CECR2: variants seen among roughly 807,000 people sequenced by gnomAD.
CECR2 encodes chromatin remodeling regulator CECR2.
In CECR2, 30 loss-of-function variants were observed where a neutral mutation model predicts 154.5. The ratio of observed to expected loss-of-function variants is 0.19; its 90% CI spans 0.15 to 0.26. CECR2 has a LOEUF of 0.26. CECR2 is among the 10% of genes least tolerant of loss of function. The pLI, the probability that CECR2 is intolerant of heterozygous loss-of-function variation, is 1.00. For missense variants in CECR2, 1,743 were observed against 1,829.3 expected, an observed-to-expected ratio of 0.95 and a Z score of 0.86; for synonymous variants, 725 against 683.7, an observed-to-expected ratio of 1.06 and a Z score of -0.94.
intron 1 of CECR2, among the ~76,000 whole-genome samples, chr22:17,452,205 T>C (rs2054782129): frequency 6.6e-6 from 1 of 152,202 alleles, no homozygotes; most frequent in East Asian, 1.9e-4. Context: ...CTGGAATAGC[T>C]GGGATTACAC....
At chr22:17,412,518 T>C (rs1263432373) in intron 1 of CECR2, among the ~76,000 whole-genome samples, 1 of 152,172 alleles carries the variant, frequency 6.6e-6, no homozygotes, top group Non-Finnish European at 1.5e-5. Context: ...TAGCATTTGC[T>C]GATTTTCACA....
At chr22:17,529,474 G>A (rs937918494) in intron 9 of CECR2, among the ~76,000 whole-genome samples, 3 of 152,208 alleles carry the variant, frequency 2.0e-5, no homozygotes, top group African/African-American at 7.2e-5. Context: ...GCCGAAGTGG[G>A]CGAATCACGA....
chr22:17,404,541 T>G lies in CECR2; in HGVS notation c.126+34632T>G, dbSNP rs967981204. ...GGCGCCCGCCACTACGCCCGGCTAA[T>G]TTTTTGTATTTTTAGTAGAGACGGG... On this transcript the variant is annotated intron_variant, in intron 1 of 18. Coordinates refer to ENST00000262608, the MANE Select transcript of CECR2 (RefSeq NM_001290047.2). Among the ~76,000 whole-genome samples, 19 of 139,888 alleles carry G rather than the reference T, an allele frequency of 1.4e-4. 2 individuals carry two copies. The highest frequency in any genetic ancestry group is 5.6e-4 in the Admixed American group (8 of 14,250). The allele number at this position is 139,888 out of a possible 152,430, so 91.8% of individuals were successfully genotyped here.
intron 2 of CECR2, among the ~76,000 whole-genome samples, chr22:17,491,616 C>A (rs997428328): frequency 6.9e-6 from 1 of 145,874 alleles, no homozygotes; most frequent in East Asian, 2.0e-4. Flanking sequence ...GTAGGGCAAA[C>A]AATATATATC....
At chr22:17,406,713 C>G (rs1206193757) in intron 1 of CECR2, among the ~76,000 whole-genome samples, 1 of 152,170 alleles carries the variant, frequency 6.6e-6, no homozygotes, top group Non-Finnish European at 1.5e-5. Flanking sequence ...GCTCTTTCTT[C>G]TAGCTGAAGA....
At chr22:17,450,110 T>C (rs1601379682) in intron 1 of CECR2, among the ~76,000 whole-genome samples, 1 of 152,222 alleles carries the variant, frequency 6.6e-6, no homozygotes, top group Non-Finnish European at 1.5e-5. Context: ...GTGGGAGTAG[T>C]TGAACTTGCC....
chr22:17,447,239 G>T (rs959167274), intron 1 of CECR2, among the ~76,000 whole-genome samples: 50 of 151,632 alleles, frequency 3.3e-4, no homozygotes, highest in Non-Finnish European at 5.9e-4. Context: ...TGCAAGCTCC[G>T]CCTCCTGGGT....
intron 9 of CECR2, among the ~76,000 whole-genome samples, chr22:17,534,454 A>T (rs1476289460): frequency 6.6e-6 from 1 of 152,142 alleles, no homozygotes; most frequent in Non-Finnish European, 1.5e-5. Context: ...TAAGTACAAA[A>T]AGCAAAAACC....
rs1442303071 is a variant in CECR2, at chr22:17,556,652, G to A, written c.*3812G>A. On this transcript the variant is annotated 3_prime_UTR_variant, in exon 19 of 19. Transcript: ENST00000262608. ...TTTCACAGGAAGGCCTAATCCTATAGTCACAAGGTAAGGACAGTTGAGTAG... is the reference window on the plus strand; with the variant it reads ...TTTCACAGGAAGGCCTAATCCTATAATCACAAGGTAAGGACAGTTGAGTAG... The A allele has an allele frequency of 6.6e-6, 1 of 152,114 alleles. No homozygotes were observed. Among genetic ancestry groups the A allele is most frequent in the African/African-American group, 2.4e-5 (1 of 41,420 alleles). 9.4% of individuals were successfully genotyped at this position (152,114 alleles called of 1,614,324 possible).
intron 8 of CECR2, among the ~76,000 whole-genome samples, chr22:17,515,328 C>T (rs978909098): frequency 6.6e-6 from 1 of 152,162 alleles, no homozygotes; most frequent in Non-Finnish European, 1.5e-5. Flanking sequence ...AGATGGCATC[C>T]GCAAGGGCAG....
chr22:17,433,175 G>A (rs5992703), intron 1 of CECR2, among the ~76,000 whole-genome samples: 12,151 of 152,194 alleles, frequency 0.08, 1,039 homozygotes, highest in African/African-American at 0.22. Context: ...GTTAAAGTCA[G>A]TATGTGTGTG....
intron 2 of CECR2, among the ~76,000 whole-genome samples, chr22:17,493,462 T>C (rs2146855014): frequency 6.6e-6 from 1 of 152,282 alleles, no homozygotes; most frequent in East Asian, 1.9e-4. Flanking sequence ...AAATCACCCT[T>C]AGCCAGTGCC....
intron 1 of CECR2, among the ~76,000 whole-genome samples, chr22:17,473,006 C>T (rs1474180299): frequency 6.6e-6 from 1 of 152,136 alleles, no homozygotes; most frequent in African/African-American, 2.4e-5. Context: ...TCCCCTTGCT[C>T]ACTTCTGAGT....
chr22:17,526,808 CA>C (rs34800488), intron 9 of CECR2, among the ~76,000 whole-genome samples: 1,007 of 71,640 alleles, frequency 0.014, 7 homozygotes, highest in African/African-American at 0.043. Context: ...GACTCCATCT[CA>C]AAAAAAAAAA....
chr22:17,525,461 C>T (rs1428138348), intron 9 of CECR2, among the ~76,000 whole-genome samples: 2 of 151,716 alleles, frequency 1.3e-5, no homozygotes, highest in Admixed American at 6.6e-5. Flanking sequence ...GCCAACATGG[C>T]CAAACGTGGT....
At chr22:17,410,234 C>G (rs965388597) in intron 1 of CECR2, among the ~76,000 whole-genome samples, 23 of 152,020 alleles carry the variant, frequency 1.5e-4, no homozygotes, top group Non-Finnish European at 2.9e-4. Flanking sequence ...CCACCTCGGC[C>G]TCCCAGAGTG....
intron 17 of CECR2, among the ~76,000 whole-genome samples, chr22:17,551,420 T>C (rs1290230087): frequency 6.6e-6 from 1 of 152,184 alleles, no homozygotes; most frequent in Non-Finnish European, 1.5e-5. Flanking sequence ...TTTATAGCAG[T>C]TGTCATATCT....
intron 1 of CECR2, among the ~76,000 whole-genome samples, chr22:17,379,767 A>G (rs2063165119): frequency 6.6e-6 from 1 of 152,064 alleles, no homozygotes; most frequent in Admixed American, 6.6e-5. Context: ...GCATGGTGAA[A>G]TATTTTATGG....
At chr22:17,455,718 A>G (rs114911382) in intron 1 of CECR2, among the ~76,000 whole-genome samples, 4,350 of 152,254 alleles carry the variant, frequency 0.029, 201 homozygotes, top group African/African-American at 0.099. Context: ...GGTTCAAGCA[A>G]TTCTCCTGCC....
Sources: gnomAD v4.1 joint callset for allele counts (sites outside exome capture counted in the v4.1 genomes callset) on GRCh38, gnomAD v4.1.1 for gene constraint, MANE v1.5 for transcripts, NCBI Gene and HGNC (gene_info 2026-07-23, HGNC 2026-07-21) for gene names.